Variants in FOCAD observed in about 807,000 individuals in gnomAD.
The protein encoded by FOCAD is focadhesin.
A neutral mutation model predicts 225.6 loss-of-function variants in FOCAD; 198 were observed. That is an observed-to-expected ratio of 0.88 (90% CI 0.78 to 0.99). The LOEUF is 0.99. Among genes scored for constraint, FOCAD ranks in the 50% least tolerant of loss-of-function variants. The pLI is 0.00. For synonymous variants in FOCAD, 897 were observed against 755.0 expected, an observed-to-expected ratio of 1.19 and a Z score of -3.08; for missense variants, 2,713 against 2,123.6, an observed-to-expected ratio of 1.28 and a Z score of -5.46.
Position 20,977,901 on chromosome 9 carries a change from T to C in FOCAD, c.4262-438T>C, listed in dbSNP as rs796990711. ...GAAAGGAAGGAAAATAAGGTGCTGATTGGAATCTTATTACTAGAAAGGCTT... is the reference window on the plus strand; with the variant it reads ...GAAAGGAAGGAAAATAAGGTGCTGACTGGAATCTTATTACTAGAAAGGCTT... On this transcript the variant is annotated intron_variant, in intron 36 of 43. Transcript: ENST00000338382. Among the ~76,000 whole-genome samples the C allele has an allele frequency of 1.1e-4, 17 of 152,336 alleles. 1 individual carries two copies. The highest frequency in any genetic ancestry group is 3.4e-4 in the African/African-American group (14 of 41,578).
At chr9:20,812,198 C>G (rs979173348) in intron 11 of FOCAD, among the ~76,000 whole-genome samples, 3 of 152,002 alleles carry the variant, frequency 2.0e-5, no homozygotes, top group Non-Finnish European at 4.4e-5. Flanking sequence ...TTGCCTCTCA[C>G]TTTCATTGGC....
chr9:20,972,248 C>T (rs1320065864), intron 35 of FOCAD, among the ~76,000 whole-genome samples: 1 of 152,104 alleles, frequency 6.6e-6, no homozygotes, highest in Non-Finnish European at 1.5e-5. Flanking sequence ...ACCAAGTGTA[C>T]ATTAGGGTTC....
intron 4 of FOCAD, among the ~76,000 whole-genome samples, chr9:20,736,705 A>C (rs1827179592): frequency 1.3e-5 from 2 of 152,128 alleles, no homozygotes; most frequent in South Asian, 4.1e-4. Context: ...TTTTTGAAAA[A>C]GCATGTAATT....
In FOCAD at chr9:20,716,343, T is replaced by C. The variant is rs555003879; in HGVS notation, c.57+933T>C. Among the ~76,000 whole-genome samples, 7 of 152,128 alleles carry C rather than the reference T, an allele frequency of 4.6e-5. No individual in the cohort carries two copies. The East Asian group carries it at 1.2e-3, about 25-fold the overall frequency. On this transcript the variant is annotated intron_variant, in intron 2 of 43. Transcript: ENST00000338382. ...ACTGTTAAATTAGGTGAAAAAAATA[T>C]ATATATATATTTATATTGTTTAGTG... is the stretch of plus-strand genomic sequence containing the variant.
intron 11 of FOCAD, among the ~76,000 whole-genome samples, chr9:20,815,145 T>G (rs1327852674): frequency 4.8e-5 from 6 of 126,118 alleles, no homozygotes; most frequent in East Asian, 2.1e-4. Flanking sequence ...TTGTTTTTTT[T>G]TTTTTTTTTG....
At chr9:20,836,835 G>A (rs1228650537) in intron 15 of FOCAD, among the ~76,000 whole-genome samples, 2 of 151,974 alleles carry the variant, frequency 1.3e-5, no homozygotes, top group African/African-American at 4.8e-5. Context: ...ATTAAAAAAT[G>A]AAAGGTTTGT....
intron 11 of FOCAD, among the ~76,000 whole-genome samples, chr9:20,809,128 C>T (rs750410251): frequency 3.3e-5 from 5 of 152,080 alleles, no homozygotes; most frequent in Non-Finnish European, 5.9e-5. Context: ...TGGAGGCTGC[C>T]GGTGTTCACA....
rs142773340 is a variant in FOCAD at position 20,984,699 on chromosome 9, T to C, written c.4729-1589T>C. Among the ~76,000 whole-genome samples, 11 of 152,330 alleles carry C rather than the reference T, an allele frequency of 7.2e-5. No homozygotes were observed. In the East Asian group the frequency reaches 1.3e-3, roughly 19 times the overall value. ...AAGAAATTCCAGCCTCATACAGATA[T>C]GCAGGAGGAAAAGGGAAACGTGTGC... On this transcript the variant is annotated intron_variant, in intron 39 of 43. Transcript: ENST00000338382.
chr9:20,716,713 A>G (rs762969874), intron 2 of FOCAD, among the ~76,000 whole-genome samples: 11 of 151,838 alleles, frequency 7.2e-5, no homozygotes, highest in African/African-American at 1.2e-4. Context: ...TCTTTGATTC[A>G]CACACGTTTT....
Position 20,936,915 on chromosome 9 carries a change from A to G in FOCAD, c.3407+3812A>G, listed in dbSNP as rs200177475. Among the ~76,000 whole-genome samples, 912 of 152,272 alleles carry G rather than the reference A, an allele frequency of 6.0e-3. 7 individuals are homozygous for G. The highest frequency in any genetic ancestry group is 0.031 in the Middle Eastern group (9 of 294). ...CAAAATCAATGTGCAAAAATCACAA[A>G]CATTTTTATACATCAATAACAGACA... On this transcript the variant is annotated intron_variant, in intron 28 of 43. Coordinates refer to ENST00000338382, the MANE Select transcript of FOCAD (RefSeq NM_001375567.1).
At chr9:20,932,534 A>G (rs1334324833) in intron 27 of FOCAD, among the ~76,000 whole-genome samples, 3 of 152,218 alleles carry the variant, frequency 2.0e-5, no homozygotes. Flanking sequence ...TCCCCTTAAA[A>G]AAAAGTAAGT....
At chr9:20,727,193 C>T (rs762205991) in intron 4 of FOCAD, among the ~76,000 whole-genome samples, 2 of 151,754 alleles carry the variant, frequency 1.3e-5, no homozygotes, top group African/African-American at 4.8e-5. Flanking sequence ...TTTTTTTTCC[C>T]CCTTGAAAAT....
chr9:20,987,103 G>A (rs1841246775), intron 40 of FOCAD, among the ~76,000 whole-genome samples: 1 of 152,182 alleles, frequency 6.6e-6, no homozygotes, highest in African/African-American at 2.4e-5. Context: ...AGGCTCCTGA[G>A]GGGTAGATGT....
chr9:20,764,466 A>T (rs1187669688), intron 6 of FOCAD, among the ~76,000 whole-genome samples: 1 of 152,118 alleles, frequency 6.6e-6, no homozygotes, highest in Non-Finnish European at 1.5e-5. Flanking sequence ...GTTGGCCAGG[A>T]TGGTCTCTAT....
chr9:20,758,341 G>A (rs1385832167), intron 6 of FOCAD, 150 bp downstream of exon 6: 1 of 423,332 alleles, frequency 2.4e-6, no homozygotes, highest in Non-Finnish European at 4.2e-6. Flanking sequence ...AGAGCAGGTT[G>A]TAGTTTTCTT....
chr9:20,694,256 C>G lies in FOCAD; in HGVS notation c.-33+9963C>G, dbSNP rs374991220. ...CAAACCTTTTCTAAGGTCTTAGACT[C>G]TCTCCACCTCCACATATCTTACTGA... On this transcript the variant is annotated intron_variant, in intron 1 of 43. Coordinates refer to ENST00000338382, the MANE Select transcript of FOCAD (RefSeq NM_001375567.1). Among the ~76,000 whole-genome samples, 32 of 152,308 alleles carry G rather than the reference C, an allele frequency of 2.1e-4. No individual in the cohort carries two copies. The East Asian group carries it at 3.3e-3, about 16-fold the overall frequency.
chr9:20,805,003 G>A (rs576467946), intron 11 of FOCAD, among the ~76,000 whole-genome samples: 6 of 152,092 alleles, frequency 3.9e-5, no homozygotes, highest in Admixed American at 2.0e-4. Flanking sequence ...TATTAGGACC[G>A]CACTTTATCT....
chr9:20,946,704 C>A lies in FOCAD; in HGVS notation c.3559C>A (p.Leu1187Ile), dbSNP rs780689560. 2 of 1,609,974 alleles carry A rather than the reference C, an allele frequency of 1.2e-6. No individual in the cohort carries two copies. The highest frequency in any genetic ancestry group is 1.7e-6 in the Non-Finnish European group (2 of 1,178,418). ...GSQSRTFQEV[L>I]AYTLSCVCTS... ...TTCTGCTGTATTTTCTTCTCAGGTC[C>A]TTGCCTACACACTTAGCTGTGTATG... Residue 1187 changes from leucine (L) to isoleucine (I), a missense_variant, in exon 30 of 44, where the codon CTT becomes ATT. Coordinates refer to ENST00000338382, the MANE Select transcript of FOCAD (RefSeq NM_001375567.1).
rs1174513961 is a variant in FOCAD at position 20,948,883 on chromosome 9, T to A, written c.3831T>A (p.Leu1277=). The change falls in exon 32 of 44, where the codon CTT becomes CTA. Residue 1277 remains leucine, a synonymous_variant. Coordinates refer to ENST00000338382, the MANE Select transcript of FOCAD (RefSeq NM_001375567.1). ...GTPTMLCLAA[L]HGMVALVGSE... ...CCACAATGCTTTGTCTGGCAGCTCT[T>A]CATGGCATGGTGGCCTTGGTAGGCT... The A allele has an allele frequency of 1.9e-6, 3 of 1,613,590 alleles. No homozygotes were observed. Among genetic ancestry groups the A allele is most frequent in the Non-Finnish European group, 2.5e-6 (3 of 1,179,578 alleles).
Sources: allele counts gnomAD v4.1 joint callset (sites outside exome capture counted in the v4.1 genomes callset), GRCh38; gene constraint gnomAD v4.1.1; transcripts MANE v1.5; gene names NCBI Gene and HGNC (gene_info 2026-07-23, HGNC 2026-07-21).